The following SLC44A5 variants were observed in gnomAD, a reference collection of about 807,000 sequenced individuals.
SLC44A5 encodes solute carrier family 44 member 5.
SLC44A5 carries 57 observed loss-of-function variants against 101.8 expected under a neutral mutation model. The observed-to-expected ratio is 0.56, with a 90% CI of 0.45 to 0.70. The LOEUF (loss-of-function observed/expected upper bound fraction) is 0.70, where lower values mean the gene tolerates loss of function less well. Ranked by LOEUF, SLC44A5 falls within the 30% of genes least tolerant of loss-of-function variation. The pLI is 0.00. For synonymous variants in SLC44A5, 281 were observed against 290.9 expected, an observed-to-expected ratio of 0.97 and a Z score of 0.35; for missense variants, 737 against 853.1, an observed-to-expected ratio of 0.86 and a Z score of 1.70.
At chr1:75,397,518 T>C (rs1275899506) in intron 2 of SLC44A5, among the ~76,000 whole-genome samples, 2 of 152,188 alleles carry the variant, frequency 1.3e-5, no homozygotes, top group Non-Finnish European at 2.9e-5. Context: ...TTGTAAATTG[T>C]GTTCCTTTGG....
chr1:75,613,726 GA>G (rs1557963836), upstream of SLC44A5, among the ~76,000 whole-genome samples: 2 of 152,302 alleles, frequency 1.3e-5, no homozygotes, highest in Middle Eastern at 3.4e-3. Flanking sequence ...TCCTTCCAGA[GA>G]AACTGTTAAC....
the SLC44A5 span, among the ~76,000 whole-genome samples, chr1:75,714,294 C>T: frequency 2.0e-5 from 3 of 152,140 alleles, no homozygotes; most frequent in Non-Finnish European, 4.4e-5. Flanking sequence ...ATGATCATCT[C>T]AGTAGATACA....
the SLC44A5 span, among the ~76,000 whole-genome samples, chr1:75,632,534 C>T: frequency 1.3e-5 from 2 of 152,144 alleles, no homozygotes; most frequent in African/African-American, 4.8e-5. Flanking sequence ...AATGCTGCCT[C>T]CCTTCACCCT....
chr1:75,291,341 A>G (rs1653525754), intron 5 of SLC44A5, among the ~76,000 whole-genome samples: 1 of 152,176 alleles, frequency 6.6e-6, no homozygotes, highest in Non-Finnish European at 1.5e-5. Context: ...TTCATTCTAC[A>G]AATATTGTTT....
At chr1:75,569,317 T>G (rs1672951957) in intron 1 of SLC44A5, among the ~76,000 whole-genome samples, 1 of 149,248 alleles carries the variant, frequency 6.7e-6, no homozygotes, top group African/African-American at 2.5e-5. Context: ...CATGGCTCAC[T>G]GCAGCTTCTA....
chr1:75,462,545 C>T (rs139564326), intron 2 of SLC44A5, among the ~76,000 whole-genome samples: 92 of 152,232 alleles, frequency 6.0e-4, no homozygotes, highest in African/African-American at 2.1e-3. Flanking sequence ...CTAAATAACG[C>T]ATCAGGGACC....
chr1:75,457,896 G>C (rs75553429), intron 2 of SLC44A5, among the ~76,000 whole-genome samples: 2 of 152,064 alleles, frequency 1.3e-5, no homozygotes, highest in African/African-American at 4.8e-5. Context: ...ACAACGGAGG[G>C]AGAAACAAGT....
At chr1:75,472,668 CTG>C (rs1557821120) in intron 2 of SLC44A5, among the ~76,000 whole-genome samples, 1 of 152,160 alleles carries the variant, frequency 6.6e-6, no homozygotes, top group Non-Finnish European at 1.5e-5. Flanking sequence ...GCTGAAATGA[CTG>C]TGCTCTCTTT....
chr1:75,615,792 C>T (rs559182631), upstream of SLC44A5: 6 of 923,428 alleles, frequency 6.5e-6, no homozygotes, highest in East Asian at 7.1e-4. Flanking sequence ...CAGGCCGGCC[C>T]GAGGGGCAGA....
intron 3 of SLC44A5, among the ~76,000 whole-genome samples, chr1:75,392,590 T>C (rs939072408): frequency 2.6e-5 from 4 of 152,128 alleles, no homozygotes; most frequent in African/African-American, 9.7e-5. Context: ...GGAAAGCAGT[T>C]TGGAGATTTC....
the SLC44A5 span, among the ~76,000 whole-genome samples, chr1:75,702,839 A>C: frequency 6.6e-6 from 1 of 152,200 alleles, no homozygotes; most frequent in Admixed American, 6.5e-5. Context: ...CCCATCAAAA[A>C]GTGGGCAAAG....
At chr1:75,629,870 G>A in the SLC44A5 span, among the ~76,000 whole-genome samples, 3 of 152,156 alleles carry the variant, frequency 2.0e-5, no homozygotes, top group Admixed American at 2.0e-4. Flanking sequence ...AAGATGAAAG[G>A]GAAGAACGCA....
chr1:75,242,034 C>T lies in SLC44A5; in HGVS notation c.499G>A (p.Asp167Asn). The T allele has an allele frequency of 6.2e-7, 1 of 1,612,374 alleles. No homozygotes were observed. The highest frequency in any genetic ancestry group is 1.3e-5 in the African/African-American group (1 of 74,912). Residue 167 changes from aspartate to asparagine, a missense_variant, in exon 9 of 24, where the codon GAT (aspartate) becomes AAT (asparagine). This residue lies in a region of SLC44A5 where 665 missense variants were observed against 764.4 expected (regional missense o/e 0.87). Coordinates refer to ENST00000370859, the MANE Select transcript of SLC44A5 (RefSeq NM_001130058.2). ...KSLTQLLLDDDCPTAIFPSKP... is the reference protein window; with the variant it reads ...KSLTQLLLDDNCPTAIFPSKP... ...CTGGGAAAAATCGCTGTTGGACAAT[C>T]ATCATCCAGTAAAAGCTGTGTGAGA...
chr1:75,394,818 T>C (rs912795797), intron 3 of SLC44A5, among the ~76,000 whole-genome samples: 15 of 152,126 alleles, frequency 9.9e-5, no homozygotes, highest in African/African-American at 3.6e-4. Flanking sequence ...ATCCACCCAA[T>C]TGAAATCCAA....
the SLC44A5 span, among the ~76,000 whole-genome samples, chr1:75,617,199 T>C: frequency 5.3e-5 from 8 of 152,082 alleles, no homozygotes; most frequent in African/African-American, 1.9e-4. Flanking sequence ...GCAGCTGAGA[T>C]TGCCGCCGAA....
At chr1:75,700,502 A>C in the SLC44A5 span, among the ~76,000 whole-genome samples, 1 of 152,338 alleles carries the variant, frequency 6.6e-6, no homozygotes, top group East Asian at 1.9e-4. Context: ...GACACATTGA[A>C]AGCAGTGTGT....
At chr1:75,404,496 T>C (rs895803918) in intron 2 of SLC44A5, among the ~76,000 whole-genome samples, 1 of 152,108 alleles carries the variant, frequency 6.6e-6, no homozygotes, top group African/African-American at 2.4e-5. Flanking sequence ...TAACAGTGGA[T>C]CTCTCTGCAG....
upstream of SLC44A5, chr1:75,615,901 C>T: frequency 1.0e-6 from 1 of 987,364 alleles, no homozygotes; most frequent in Non-Finnish European, 1.2e-6. Context: ...TGTCCCCTTC[C>T]CTCCCCCGGA....
At position 75,360,735 on chromosome 1, in the gene SLC44A5, CA is replaced by C. The variant is rs147056798; in HGVS notation, c.53-21106del. The stretch of plus-strand genomic sequence containing the variant: ...ACTACTTTATAATATATTATGAAAT[CA>C]GGGGGTGCAATGTCTTTGGCTTTGT... On this transcript the variant is annotated intron_variant, in intron 3 of 23. Transcript: ENST00000370859. Among the ~76,000 whole-genome samples, 580 of 152,174 alleles carry C rather than the reference CA, an allele frequency of 3.8e-3. 4 individuals are homozygous for C. Among genetic ancestry groups the C allele is most frequent in the African/African-American group, 0.014 (563 of 41,538 alleles).
Sources: allele counts gnomAD v4.1 joint callset (sites outside exome capture counted in the v4.1 genomes callset), GRCh38; gene constraint gnomAD v4.1.1; regional missense constraint gnomAD v4.1.1; transcripts MANE v1.5; gene names NCBI Gene and HGNC (gene_info 2026-07-23, HGNC 2026-07-21).